DROSHA: variants seen among roughly 807,000 people sequenced by gnomAD.
DROSHA encodes ribonuclease 3.
A neutral mutation model predicts 181.9 loss-of-function variants in DROSHA; 56 were observed. The observed-to-expected ratio is 0.31, with a 90% CI of 0.25 to 0.38. The LOEUF is 0.38. DROSHA is among the 10% of genes least tolerant of loss of function. The probability of loss-of-function intolerance (pLI) is 1.00; values close to 1 mark genes in which losing one functional copy is unlikely to be tolerated. For synonymous variants in DROSHA, 524 were observed against 591.2 expected (o/e 0.89, Z 1.65); for missense variants, 1,218 against 1,743.5 (o/e 0.70, Z 5.37).
chr5:31,525,503 C>CAAAA (rs397970711), intron 5 of DROSHA, among the ~76,000 whole-genome samples: 3 of 36,150 alleles, frequency 8.3e-5, no homozygotes, highest in Non-Finnish European at 1.1e-4. Flanking sequence ...GATTCTGTCA[C>CAAAA]AAAAAAAAAA....
chr5:31,466,362 CT>C, intron 18 of DROSHA, 81 bp from the exon 19 acceptor site: 1 of 1,119,228 alleles, frequency 8.9e-7, no homozygotes, highest in South Asian at 1.3e-5. Flanking sequence ...TTTAAGAGGC[CT>C]CTTCAAATCA....
chr5:31,420,310 C>T (rs1174873847), intron 30 of DROSHA, among the ~76,000 whole-genome samples: 9 of 152,082 alleles, frequency 5.9e-5, no homozygotes, highest in Non-Finnish European at 1.2e-4. Flanking sequence ...TTTTCTTTGC[C>T]CAATAAAGTA....
intron 23 of DROSHA, among the ~76,000 whole-genome samples, chr5:31,439,504 A>G (rs1255584860): frequency 2.0e-5 from 3 of 151,502 alleles, no homozygotes; most frequent in African/African-American, 7.4e-5. Flanking sequence ...GTTCAGGGGT[A>G]CCTGTGCAGG....
chr5:31,500,220 C>T (rs989496558), intron 11 of DROSHA, among the ~76,000 whole-genome samples: 3 of 152,148 alleles, frequency 2.0e-5, no homozygotes, highest in Non-Finnish European at 4.4e-5. Context: ...TTTCAGGGCC[C>T]CAACTGGGGA....
intron 5 of DROSHA, among the ~76,000 whole-genome samples, chr5:31,525,140 G>A (rs545876095): frequency 1.3e-5 from 2 of 152,130 alleles, no homozygotes; most frequent in African/African-American, 4.8e-5. Flanking sequence ...AGACTAGCCT[G>A]CCTAACATGG....
At chr5:31,438,005 T>C (rs778269117) in intron 23 of DROSHA, among the ~76,000 whole-genome samples, 3 of 152,164 alleles carry the variant, frequency 2.0e-5, no homozygotes, top group Non-Finnish European at 4.4e-5. Flanking sequence ...CCGATGCCCC[T>C]CATCAAAATT....
chr5:31,408,876 T>C (rs140858223), intron 33 of DROSHA, 180 bp downstream of exon 33: 46 of 575,088 alleles, frequency 8.0e-5, no homozygotes, highest in African/African-American at 7.8e-4. Context: ...TTATTACAGC[T>C]AAGAGTGAGA....
intron 24 of DROSHA, 111 bp from the exon 25 acceptor site, chr5:31,435,975 G>A (rs1405852528): frequency 4.5e-6 from 4 of 891,480 alleles, no homozygotes; most frequent in Admixed American, 5.1e-5. Flanking sequence ...TGGATATCAG[G>A]TGAATCAAAC....
In DROSHA at chr5:31,409,632, C is replaced by T; in HGVS notation, c.3668-300G>A. 1 of 335,602 alleles carries T rather than the reference C, an allele frequency of 3.0e-6. No individual in the cohort carries two copies. The highest frequency in any genetic ancestry group is 5.6e-6 in the Non-Finnish European group (1 of 179,946). The allele number at this position is 335,602 out of a possible 1,614,324, so 20.8% of individuals were successfully genotyped here. A position where few individuals can be genotyped will look rare whatever the true frequency, so the allele number is the denominator to read the frequency against. ...TATATCAGGGAAAAAATGCTGAGCA[C>T]CCAACCCTGTTCACATCAAATAAGT... On this transcript the variant is annotated intron_variant, in intron 31 of 35. Transcript: ENST00000344624. This position sits in a 1 kb window ranked among gnomAD's most constrained non-coding sequence, Gnocchi z 4.0.
rs868259337 is a variant in DROSHA at position 31,423,655 on chromosome 5, T to A, written c.3262-711A>T. ...ACAACTTTGGGCACTCATGTATTAA[T>A]AAAATATTTTTAAAGTACTCTGAAT... is the stretch of plus-strand genomic sequence containing the variant. On this transcript the variant is annotated intron_variant, in intron 28 of 35. Transcript: ENST00000344624. Among the ~76,000 whole-genome samples the A allele has an allele frequency of 3.3e-5, 5 of 152,308 alleles. No individual in the cohort carries two copies. In the South Asian group the frequency reaches 1.0e-3, roughly 32 times the overall value.
intron 20 of DROSHA, among the ~76,000 whole-genome samples, chr5:31,454,400 AG>A (rs1561187768): frequency 6.6e-6 from 1 of 152,242 alleles, no homozygotes; most frequent in African/African-American, 2.4e-5. Context: ...ACAAAAGCAG[AG>A]GGGGCAGATT....
chr5:31,423,005 T>C, intron 28 of DROSHA, 61 bp from the exon 29 acceptor site: 1 of 1,425,458 alleles, frequency 7.0e-7, no homozygotes, highest in Non-Finnish European at 9.2e-7. Flanking sequence ...AGTGCAATGA[T>C]CAATTCTAGG....
Position 31,409,728 on chromosome 5 carries a change from C to T in DROSHA, c.3668-396G>A, listed in dbSNP as rs567423735. 5.9e-4 allele frequency among the ~76,000 whole-genome samples: 90 copies of T among 152,212 alleles called. No homozygotes were observed. The highest frequency in any genetic ancestry group is 4.1e-3 in the Admixed American group (62 of 15,284). On this transcript the variant is annotated intron_variant, in intron 31 of 35. Transcript: ENST00000344624. This position sits in a 1 kb window ranked among gnomAD's most constrained non-coding sequence, Gnocchi z 4.0. ...TCTTGGGTCTTGCCATTTTCAACAC[C>T]AATCCTGAGATCCCCTGTTTTTAAG...
At position 31,470,831 on chromosome 5, in the gene DROSHA, C is replaced by A. The variant is rs73064343; in HGVS notation, c.2241+1232G>T. ...AGAACATGGAACTCTCCAAGTGGAA[C>A]CACCCAGCTGAAACTGGACATCTGC... On this transcript the variant is annotated intron_variant, in intron 17 of 35. Transcript: ENST00000344624. The surrounding 1 kb of genome is among the most constrained non-coding windows in gnomAD (Gnocchi z 4.0). Among the ~76,000 whole-genome samples, 14,352 of 152,086 alleles carry A rather than the reference C, an allele frequency of 0.094. 1,250 individuals are homozygous for A. Among genetic ancestry groups the A allele is most frequent in the East Asian group, 0.22 (1,121 of 5,156 alleles).
At chr5:31,442,564 T>A (rs1408912351) in intron 23 of DROSHA, among the ~76,000 whole-genome samples, 1 of 152,092 alleles carries the variant, frequency 6.6e-6, no homozygotes, top group East Asian at 1.9e-4. Flanking sequence ...TACAGCACAT[T>A]TTGTCTGAGG....
In DROSHA at chr5:31,458,741, C is replaced by G. The variant is rs762639008; in HGVS notation, c.2574+5495G>C. On this transcript the variant is annotated intron_variant, in intron 20 of 35. Transcript: ENST00000344624. ...AGCACTCAAAGTGTGGTGAGGGCAA[C>G]TGAGAGGCAGAATTTTTAATTTCAT... Among the ~76,000 whole-genome samples the G allele has an allele frequency of 4.9e-4, 75 of 152,316 alleles. 1 individual carries two copies. The highest frequency in any genetic ancestry group is 8.1e-4 in the Non-Finnish European group (55 of 68,036).
intron 20 of DROSHA, among the ~76,000 whole-genome samples, chr5:31,455,922 G>C (rs1157898372): frequency 6.6e-6 from 1 of 152,140 alleles, no homozygotes; most frequent in Non-Finnish European, 1.5e-5. Flanking sequence ...GATTACAGTT[G>C]TGAGTACCTG....
intron 23 of DROSHA, among the ~76,000 whole-genome samples, chr5:31,441,351 C>T (rs765523989): frequency 3.5e-4 from 53 of 151,978 alleles, no homozygotes; most frequent in Admixed American, 4.6e-4. Flanking sequence ...GTCAAAGCTG[C>T]GGTGAGTTAT....
chr5:31,409,216 G>C lies in DROSHA; in HGVS notation c.3750+34C>G. On this transcript the variant is annotated intron_variant, in intron 32 of 35. Coordinates refer to ENST00000344624, the MANE Select transcript of DROSHA (RefSeq NM_001382508.1). The surrounding 1 kb of genome is among the most constrained non-coding windows in gnomAD (Gnocchi z 4.0). Reference sequence around the variant, plus strand: ...GGGTTCTGGAATCACCAAACATAAAGCAGACCACTAATTCAAACTTTATAT... The same window carrying C: ...GGGTTCTGGAATCACCAAACATAAACCAGACCACTAATTCAAACTTTATAT... 3.1e-6 allele frequency: 5 copies of C among 1,605,298 alleles called. No individual in the cohort carries two copies. The highest frequency in any genetic ancestry group is 4.3e-6 in the Non-Finnish European group (5 of 1,175,416).
Sources: gnomAD v4.1 joint callset for allele counts (sites outside exome capture counted in the v4.1 genomes callset) on GRCh38, gnomAD v4.1.1 for gene constraint, Gnocchi (gnomAD v3.1) non-coding constraint, MANE v1.5 for transcripts, NCBI Gene and HGNC (gene_info 2026-07-23, HGNC 2026-07-21) for gene names.